Variants in SORBS2 observed in about 807,000 individuals in gnomAD.
SORBS2 encodes sorbin and SH3 domain containing 2.
SORBS2 carries 46 observed loss-of-function variants against 97.7 expected under a neutral mutation model. That is an observed-to-expected ratio of 0.47 (90% CI 0.37 to 0.60). The LOEUF (loss-of-function observed/expected upper bound fraction) is 0.60. Ranked by LOEUF, SORBS2 falls within the 20% of genes least tolerant of loss-of-function variation. The probability of loss-of-function intolerance (pLI) is 0.00; values close to 1 mark genes in which losing one functional copy is unlikely to be tolerated. For synonymous variants in SORBS2, 476 were observed against 473.4 expected, an observed-to-expected ratio of 1.01 and a Z score of -0.07; for missense variants, 1,316 against 1,282.3, an observed-to-expected ratio of 1.03 and a Z score of -0.40.
At chr4:185,657,375 T>A (rs2306703), upstream of SORBS2, 259,035 of 1,448,834 alleles carry the variant, frequency 0.18, 23,844 homozygotes, top group East Asian at 0.26. Context: ...CCGTCCTTTG[T>A]GGAGTCTGTG....
chr4:185,851,425 C>T (rs113595263), intron 1 of SORBS2, among the ~76,000 whole-genome samples: 2,440 of 152,220 alleles, frequency 0.016, 49 homozygotes, highest in South Asian at 0.053. Context: ...GATTGACTCA[C>T]GGTCATCTCT....
chr4:185,677,063 T>C (rs2097797100), intron 4 of SORBS2: 4 of 1,551,444 alleles, frequency 2.6e-6, no homozygotes, highest in Non-Finnish European at 3.5e-6. Flanking sequence ...GCTGAAGAGG[T>C]ATCTTTGCAG....
intron 1 of SORBS2, among the ~76,000 whole-genome samples, chr4:185,840,685 A>C (rs1579145601): frequency 6.6e-6 from 1 of 152,214 alleles, no homozygotes. Flanking sequence ...GCCTTTAAAA[A>C]ATAATTAGGG....
At chr4:185,667,577 T>C (rs543817896) in intron 4 of SORBS2, among the ~76,000 whole-genome samples, 12 of 151,964 alleles carry the variant, frequency 7.9e-5, no homozygotes, top group African/African-American at 2.4e-4. Context: ...AGCATAACCT[T>C]AATCTAATGG....
intron 2 of SORBS2, among the ~76,000 whole-genome samples, chr4:185,703,303 T>C (rs925785213): frequency 2.0e-4 from 30 of 152,246 alleles, no homozygotes; most frequent in Non-Finnish European, 4.3e-4. Context: ...TTTTCATGAG[T>C]AGTGTGGTAG....
chr4:185,729,975 T>G (rs1031569767), intron 2 of SORBS2, among the ~76,000 whole-genome samples: 1 of 152,078 alleles, frequency 6.6e-6, no homozygotes, highest in Non-Finnish European at 1.5e-5. Flanking sequence ...TTTTTTGAGA[T>G]GGAGTCTTGC....
At chr4:185,821,667 G>C (rs2099196889) in intron 1 of SORBS2, among the ~76,000 whole-genome samples, 1 of 152,174 alleles carries the variant, frequency 6.6e-6, no homozygotes, top group South Asian at 2.1e-4. Flanking sequence ...CAGGTGATCT[G>C]CCCGCCTCAG....
At chr4:185,900,867 T>C (rs2099247360) in intron 1 of SORBS2, among the ~76,000 whole-genome samples, 1 of 152,214 alleles carries the variant, frequency 6.6e-6, no homozygotes, top group African/African-American at 2.4e-5. Flanking sequence ...CAGACTGCTT[T>C]TAATCTACAG....
At chr4:185,919,301 T>C (rs1348573704) in intron 1 of SORBS2, 1 of 152,206 alleles carries the variant, frequency 6.6e-6, no homozygotes, top group Non-Finnish European at 1.5e-5. Flanking sequence ...CTCTTTTTGC[T>C]GTCATAGGAG....
chr4:185,673,808 A>G (rs900187830), intron 4 of SORBS2, among the ~76,000 whole-genome samples: 3 of 152,192 alleles, frequency 2.0e-5, no homozygotes, highest in African/African-American at 7.2e-5. Flanking sequence ...CCCACTATGG[A>G]ATCAATGGTA....
Position 185,763,287 on chromosome 4 carries a change from G to A in SORBS2, c.-198+11940C>T, listed in dbSNP as rs2098914641. 2.6e-5 allele frequency among the ~76,000 whole-genome samples: 4 copies of A among 152,274 alleles called. No individual in the cohort carries two copies. The South Asian group carries it at 6.2e-4, about 24-fold the overall frequency. ...CAGGAGATGACATTCCCATGTGAAA[G>A]GTGTCCTCCCTTGGCCAGGTGGGAG... On this transcript the variant is annotated intron_variant, in intron 2 of 20. Transcript: ENST00000284776.
At chr4:185,689,630 A>G (rs1389985244) in intron 2 of SORBS2, among the ~76,000 whole-genome samples, 3 of 152,158 alleles carry the variant, frequency 2.0e-5, no homozygotes, top group Admixed American at 1.3e-4. Flanking sequence ...ACTACGGCAC[A>G]TGGCACATGA....
intron 2 of SORBS2, chr4:185,709,938 G>C (rs1431472526): frequency 6.6e-6 from 1 of 151,288 alleles, no homozygotes; most frequent in African/African-American, 2.4e-5. Flanking sequence ...AGCTGTAATT[G>C]ACTAAGGTGA....
intron 1 of SORBS2, among the ~76,000 whole-genome samples, chr4:185,916,626 G>T (rs940269791): frequency 6.6e-6 from 1 of 152,182 alleles, no homozygotes; most frequent in Non-Finnish European, 1.5e-5. Flanking sequence ...TTTCAACAGT[G>T]CTTCTCAATG....
chr4:185,858,051 C>G (rs1025915208), intron 1 of SORBS2, among the ~76,000 whole-genome samples: 5 of 152,272 alleles, frequency 3.3e-5, no homozygotes, highest in Middle Eastern at 3.4e-3. Flanking sequence ...TTCAAAATCC[C>G]TAATAAAAAC....
intron 1 of SORBS2, among the ~76,000 whole-genome samples, chr4:185,945,525 T>G (rs1014238): frequency 0.4 from 61,278 of 152,062 alleles, 12,802 homozygotes; most frequent in East Asian, 0.66. Context: ...TTGGTAAACC[T>G]TTAGGAAGAA....
chr4:185,690,273 CACAA>C (rs2098068062), intron 2 of SORBS2, among the ~76,000 whole-genome samples: 1 of 152,166 alleles, frequency 6.6e-6, no homozygotes. Flanking sequence ...TTCAAAAGTA[CACAA>C]ACAAACGACA....
At chr4:185,922,350 TG>T (rs1278304227) in intron 1 of SORBS2, among the ~76,000 whole-genome samples, 6 of 152,154 alleles carry the variant, frequency 3.9e-5, no homozygotes, top group Non-Finnish European at 8.8e-5. Flanking sequence ...GAGAACACAC[TG>T]GGCAGAGCAG....
At chr4:185,842,692 T>A in intron 1 of SORBS2, among the ~76,000 whole-genome samples, 1 of 152,230 alleles carries the variant, frequency 6.6e-6, no homozygotes, top group East Asian at 1.9e-4. Flanking sequence ...ATCCCAGCAC[T>A]CTGGGAGGCC....
Sources: allele counts gnomAD v4.1 joint callset (sites outside exome capture counted in the v4.1 genomes callset), GRCh38; gene constraint gnomAD v4.1.1; transcripts MANE v1.5; gene names NCBI Gene and HGNC (gene_info 2026-07-23, HGNC 2026-07-21).